The following OSGEPL1 variants were observed in gnomAD, a reference collection of about 807,000 sequenced individuals.
The protein encoded by OSGEPL1 is tRNA N6-adenosine threonylcarbamoyltransferase, mitochondrial.
OSGEPL1 carries 26 observed loss-of-function variants against 37.2 expected under a neutral mutation model. That is an observed-to-expected ratio of 0.70 (90% confidence interval 0.51 to 0.97). The LOEUF is 0.97. OSGEPL1 is among the 50% of genes least tolerant of loss of function. The pLI is 0.00. For missense variants in OSGEPL1, 404 were observed against 487.0 expected (o/e 0.83, Z 1.60); for synonymous variants, 140 against 159.9 (o/e 0.88, Z 0.94).
chr2:189,759,498 C>T (rs976549263), intron 2 of OSGEPL1, among the ~76,000 whole-genome samples: 1 of 152,188 alleles, frequency 6.6e-6, no homozygotes, highest in Non-Finnish European at 1.5e-5. Context: ...GGTCCACTTG[C>T]CTCGGCCTCC....
Position 189,755,210 on chromosome 2 carries a change from T to C in OSGEPL1, c.572A>G (p.Lys191Arg). 6.2e-7 allele frequency: 1 copy of C among 1,611,742 alleles called. No homozygotes were observed. Among genetic ancestry groups the C allele is most frequent in the East Asian group, 2.2e-5 (1 of 44,884 alleles). ...GTCACCTGGTGCTATGTCCAAAGACTTTCCAAGAAGCAGAAAATCTGAAAC... is the reference window on the plus strand; with the variant it reads ...GTCACCTGGTGCTATGTCCAAAGACCTTCCAAGAAGCAGAAAATCTGAAAC... ...QGVSDFLLLG[K>R]SLDIAPGDML... The change falls in exon 3 of 9, where the codon AAG becomes AGG. Residue 191 changes from lysine (K) to arginine (R), a missense_variant. Transcript: ENST00000264151.
upstream of OSGEPL1, chr2:189,762,812 G>T: frequency 1.0e-6 from 1 of 985,496 alleles, no homozygotes; most frequent in Non-Finnish European, 1.2e-6. Flanking sequence ...ACTGTGCAAG[G>T]TCCCGTCCAG....
chr2:189,762,516 T>C lies in OSGEPL1; in HGVS notation c.-21+169A>G, dbSNP rs1312329291. ...ATTAACAAAATCTGGACAAGGAGGA[T>C]TGTACGAAGCACTACCCTTTCGGGC... On this transcript the variant is annotated intron_variant, in intron 1 of 8. Coordinates refer to ENST00000264151, the MANE Select transcript of OSGEPL1 (RefSeq NM_022353.3). 8 of 852,078 alleles carry C rather than the reference T, an allele frequency of 9.4e-6. No homozygotes were observed. The East Asian group carries it at 4.9e-4, about 52-fold the overall frequency. The allele number at this position is 852,078 out of a possible 1,614,324, so 52.8% of individuals were successfully genotyped here. A position where few individuals can be genotyped will look rare whatever the true frequency, so the allele number is the denominator to read the frequency against.
Position 189,752,703 on chromosome 2 carries a change from A to G in OSGEPL1, c.1116T>C (p.Arg372=). The G allele has an allele frequency of 6.2e-7, 1 of 1,613,940 alleles. No individual in the cohort carries two copies. Among genetic ancestry groups the G allele is most frequent in the Middle Eastern group, 1.6e-4 (1 of 6,062 alleles). Residue 372 remains arginine (R), a synonymous_variant, in exon 7 of 9, where the codon CGT becomes CGC. Coordinates refer to ENST00000264151, the MANE Select transcript of OSGEPL1 (RefSeq NM_022353.3). The part of the protein sequence containing the change: ...MIAWNGIERL[R]AGLGILHDIE... ...TGTCATGTAAAATGCCCAAGCCAGC[A>G]CGTAGTCTTTCAATACCATTCCTAA...
intron 6 of OSGEPL1, 26 bp from the exon 7 acceptor site, chr2:189,752,750 T>C (rs1197989142): frequency 2.5e-6 from 4 of 1,613,666 alleles, no homozygotes; most frequent in Non-Finnish European, 3.4e-6. Flanking sequence ...TAAAATAAAA[T>C]CAATAGCTCC....
At chr2:189,748,115 C>T (rs553291820) in intron 8 of OSGEPL1, among the ~76,000 whole-genome samples, 4 of 152,272 alleles carry the variant, frequency 2.6e-5, no homozygotes, top group Non-Finnish European at 4.4e-5. Flanking sequence ...TATTAATTAG[C>T]GGTTATTTTC....
At chr2:189,750,343 A>G (rs921379569) in intron 8 of OSGEPL1, among the ~76,000 whole-genome samples, 17 of 152,160 alleles carry the variant, frequency 1.1e-4, no homozygotes, top group African/African-American at 3.9e-4. Flanking sequence ...TCCTTTCTCA[A>G]AAGATGTTTT....
chr2:189,761,905 G>C (rs2047119874), intron 1 of OSGEPL1, among the ~76,000 whole-genome samples: 1 of 152,078 alleles, frequency 6.6e-6, no homozygotes, highest in Non-Finnish European at 1.5e-5. Context: ...CCTACCAAAA[G>C]ACTTACTATT....
intron 1 of OSGEPL1, 34 bp downstream of exon 1, chr2:189,762,651 G>A (rs1325684566): frequency 5.1e-6 from 5 of 985,292 alleles, no homozygotes; most frequent in Non-Finnish European, 6.0e-6. Flanking sequence ...GCGCAAAAGC[G>A]TCAGTGGGGT....
At chr2:189,750,761 TA>T in intron 7 of OSGEPL1, 105 bp from the exon 8 acceptor site, 3 of 757,316 alleles carry the variant, frequency 4.0e-6, no homozygotes, top group Non-Finnish European at 6.1e-6. Context: ...ATCAAATATT[TA>T]ATTCATCATA....
At chr2:189,750,229 G>A (rs781603490) in intron 8 of OSGEPL1, among the ~76,000 whole-genome samples, 4 of 152,148 alleles carry the variant, frequency 2.6e-5, no homozygotes, top group Non-Finnish European at 5.9e-5. Context: ...CCTGATTTGA[G>A]GAAGTGGGGG....
At chr2:189,754,482 T>C in intron 3 of OSGEPL1, 137 bp from the exon 4 acceptor site, 1 of 790,022 alleles carries the variant, frequency 1.3e-6, no homozygotes, top group Non-Finnish European at 2.0e-6. Flanking sequence ...TTGGCAAATA[T>C]AGACTATAGC....
chr2:189,755,314 C>T lies in OSGEPL1; in HGVS notation c.468G>A (p.Arg156=), dbSNP rs1275699069. The change falls in exon 3 of 9, where the codon AGG becomes AGA. Residue 156 remains arginine (R), a synonymous_variant. Transcript: ENST00000264151. ...AAGGAAATTCTACTTTATTGGTCAA[C>T]CTAATAGTAAGTGCATGAGCCTCCA... ...HHMEAHALTI[R]LTNKVEFPFL... 2 of 1,613,450 alleles carry T rather than the reference C, an allele frequency of 1.2e-6. No homozygotes were observed. The highest frequency in any genetic ancestry group is 8.5e-7 in the Non-Finnish European group (1 of 1,179,736).
At chr2:189,756,409 C>A (rs114730418) in intron 2 of OSGEPL1, among the ~76,000 whole-genome samples, 47 of 150,702 alleles carry the variant, frequency 3.1e-4, no homozygotes, top group African/African-American at 9.5e-4. Context: ...CTGCTAGTTT[C>A]AAAAAAAAAT....
chr2:189,752,908 C>T lies in OSGEPL1; in HGVS notation c.1035G>A (p.Gln345=). The T allele has an allele frequency of 1.9e-6, 3 of 1,613,788 alleles. No homozygotes were observed. The highest frequency in any genetic ancestry group is 2.5e-6 in the Non-Finnish European group (3 of 1,179,804). ...TGGGAGGAGGACACAACAAAGTGCA[C>T]TGTGTTGCATTTGTTAAAATTTCCA... ...RALEILTNAT[Q]CTLLCPPPRL... Residue 345 remains glutamine (Q), a synonymous_variant, in exon 6 of 9, where the codon CAG becomes CAA. Transcript: ENST00000264151.
intron 7 of OSGEPL1, among the ~76,000 whole-genome samples, chr2:189,751,014 A>C (rs2105965197): frequency 6.6e-6 from 1 of 152,380 alleles, no homozygotes. Flanking sequence ...GCTAAAGTCA[A>C]ACCTGTATCC....
chr2:189,756,288 A>G (rs937367494), intron 2 of OSGEPL1, among the ~76,000 whole-genome samples: 1 of 152,174 alleles, frequency 6.6e-6, no homozygotes, highest in African/African-American at 2.4e-5. Flanking sequence ...GGCCACTCCA[A>G]ATATCAAGTG....
chr2:189,756,585 T>C (rs2046122102), intron 2 of OSGEPL1, among the ~76,000 whole-genome samples: 1 of 152,216 alleles, frequency 6.6e-6, no homozygotes, highest in South Asian at 2.1e-4. Flanking sequence ...CACATTGTAA[T>C]ATAATTTTCC....
At chr2:189,762,917 T>C, upstream of OSGEPL1, 1 of 985,208 alleles carries the variant, frequency 1.0e-6, no homozygotes, top group Non-Finnish European at 1.2e-6. Context: ...CACCTGCATT[T>C]CCCCCAGATT....
Sources: allele counts gnomAD v4.1 joint callset (sites outside exome capture counted in the v4.1 genomes callset), GRCh38; gene constraint gnomAD v4.1.1; transcripts MANE v1.5; gene names NCBI Gene and HGNC (gene_info 2026-07-23, HGNC 2026-07-21).